DDX10: variants seen among roughly 807,000 people sequenced by gnomAD.
The protein encoded by DDX10 is DEAD-box helicase 10, also known as probable ATP-dependent RNA helicase DDX10.
A neutral mutation model predicts 104.3 loss-of-function variants in DDX10; 74 were observed. The observed-to-expected ratio is 0.71, with a 90% CI of 0.59 to 0.86. DDX10 has a LOEUF of 0.86. DDX10 is among the 40% of genes least tolerant of loss of function. DDX10 has a pLI of 0.00. For synonymous variants in DDX10, 351 were observed against 353.4 expected, an observed-to-expected ratio of 0.99 and a Z score of 0.08; for missense variants, 952 against 1,040.0, an observed-to-expected ratio of 0.92 and a Z score of 1.16.
intron 16 of DDX10, among the ~76,000 whole-genome samples, chr11:108,912,223 C>G (rs1224679543): frequency 6.6e-6 from 1 of 152,102 alleles, no homozygotes; most frequent in Non-Finnish European, 1.5e-5. Flanking sequence ...AGCTAGTTCT[C>G]TAGTTCTTCT....
intron 16 of DDX10, among the ~76,000 whole-genome samples, chr11:108,908,608 G>T (rs575502406): frequency 6.6e-6 from 1 of 152,304 alleles, no homozygotes; most frequent in South Asian, 2.1e-4. Flanking sequence ...ATCACTGACA[G>T]CCTAGCATGA....
At chr11:108,788,431 C>T (rs534675586) in intron 13 of DDX10, among the ~76,000 whole-genome samples, 20 of 151,980 alleles carry the variant, frequency 1.3e-4, no homozygotes, top group Admixed American at 2.6e-4. Flanking sequence ...GATGTGATCT[C>T]GGCTCATTGC....
At chr11:108,688,803 T>C in intron 6 of DDX10, 133 bp from the exon 7 acceptor site, 1 of 864,648 alleles carries the variant, frequency 1.2e-6, no homozygotes, top group Non-Finnish European at 1.7e-6. Flanking sequence ...AGAAAAATTC[T>C]TTTTTTGGTG....
intron 13 of DDX10, among the ~76,000 whole-genome samples, chr11:108,811,900 G>GA (rs1056039176): frequency 4.7e-4 from 67 of 141,764 alleles, no homozygotes; most frequent in African/African-American, 1.5e-3. Context: ...TATGGGGGGG[G>GA]GAAGAGAGCT....
chr11:108,859,643 A>G (rs1187496981), intron 16 of DDX10, among the ~76,000 whole-genome samples: 2 of 152,204 alleles, frequency 1.3e-5, no homozygotes, highest in Non-Finnish European at 2.9e-5. Flanking sequence ...GTGAAGTTAG[A>G]GATAATTTGA....
chr11:108,691,660 C>T (rs1265919591), intron 7 of DDX10, among the ~76,000 whole-genome samples: 1 of 152,078 alleles, frequency 6.6e-6, no homozygotes, highest in Non-Finnish European at 1.5e-5. Context: ...ACTTAAGATG[C>T]AATTCTGTGA....
At chr11:108,757,678 T>C (rs1249442778) in intron 13 of DDX10, among the ~76,000 whole-genome samples, 2 of 152,100 alleles carry the variant, frequency 1.3e-5, no homozygotes, top group Non-Finnish European at 2.9e-5. Context: ...CACTTGTTGG[T>C]TGTCCTCTTG....
intron 13 of DDX10, among the ~76,000 whole-genome samples, chr11:108,818,466 C>T (rs1471424481): frequency 2.0e-5 from 3 of 152,152 alleles, no homozygotes; most frequent in African/African-American, 4.8e-5. Context: ...AGTTTCATAA[C>T]ATAACTCCAG....
chr11:108,854,485 C>A (rs1436439860), intron 16 of DDX10, among the ~76,000 whole-genome samples: 1 of 152,086 alleles, frequency 6.6e-6, no homozygotes, highest in African/African-American at 2.4e-5. Context: ...GTAGAGCTTC[C>A]CTTTGATCCC....
At chr11:108,720,899 T>TC (rs1311905531) in intron 12 of DDX10, among the ~76,000 whole-genome samples, 2 of 149,612 alleles carry the variant, frequency 1.3e-5, no homozygotes, top group Non-Finnish European at 2.9e-5. Flanking sequence ...GGCCGGGTTT[T>TC]TTTTTTTTTT....
chr11:108,750,926 C>CTTTTTTTTTTTTT lies in DDX10; in HGVS notation c.1965+27490_1965+27502dup, dbSNP rs10582729. On this transcript the variant is annotated intron_variant, in intron 13 of 17. Transcript: ENST00000322536. ...ACATGTGCATCACCACACCTGGTTACTTTTTTTTTTTTTTTTTTTTTTTTT... is the reference window on the plus strand; with the variant it reads ...ACATGTGCATCACCACACCTGGTTACTTTTTTTTTTTTTTTTTTTTTTTTTTTTTTTTTTTTTT... Among the ~76,000 whole-genome samples, 2 of 24,250 alleles carry CTTTTTTTTTTTTT rather than the reference C, an allele frequency of 8.2e-5. 1 individual carries two copies. Among genetic ancestry groups the CTTTTTTTTTTTTT allele is most frequent in the African/African-American group, 1.9e-4 (2 of 10,560 alleles). The allele number at this position is 24,250 out of a possible 152,430, so 15.9% of individuals were successfully genotyped here.
chr11:108,848,621 A>G (rs1334324457), intron 15 of DDX10, among the ~76,000 whole-genome samples: 2 of 152,122 alleles, frequency 1.3e-5, no homozygotes, highest in Non-Finnish European at 2.9e-5. Context: ...TATAACATCT[A>G]GTGACATTTA....
chr11:108,830,777 T>G (rs1255376307), intron 13 of DDX10, among the ~76,000 whole-genome samples: 1 of 152,224 alleles, frequency 6.6e-6, no homozygotes, highest in Non-Finnish European at 1.5e-5. Context: ...ATGGATTTTG[T>G]CAAATGCTTT....
chr11:108,895,324 A>T (rs1287565821), intron 16 of DDX10, among the ~76,000 whole-genome samples: 1 of 150,946 alleles, frequency 6.6e-6, no homozygotes, highest in African/African-American at 2.4e-5. Flanking sequence ...CCCTTGTGTT[A>T]TATCCAAGTC....
chr11:108,713,070 G>T (rs573712882), intron 10 of DDX10, among the ~76,000 whole-genome samples: 1 of 151,934 alleles, frequency 6.6e-6, no homozygotes, highest in Non-Finnish European at 1.5e-5. Flanking sequence ...GGTGCCCCCC[G>T]TCCACTTCTT....
intron 16 of DDX10, among the ~76,000 whole-genome samples, chr11:108,861,945 T>C (rs936956622): frequency 1.3e-5 from 2 of 152,120 alleles, no homozygotes; most frequent in East Asian, 1.9e-4. Flanking sequence ...GAGAATTGCT[T>C]GAACTCGGGA....
At chr11:108,684,176 C>CTTTTTTTTTTTTTTTTATTTTTTTT (rs55949043) in intron 6 of DDX10, among the ~76,000 whole-genome samples, 3 of 26,672 alleles carry the variant, frequency 1.1e-4, no homozygotes, top group Admixed American at 6.9e-4. Flanking sequence ...TATAGATTTT[C>CTTTTTTTTTTTTTTTTATTTTTTTT]TTTTTTTTTT....
chr11:108,746,331 T>A (rs1404076253), intron 13 of DDX10, among the ~76,000 whole-genome samples: 1 of 152,082 alleles, frequency 6.6e-6, no homozygotes, highest in Non-Finnish European at 1.5e-5. Context: ...TTTCACTTAG[T>A]ATGTTTTTTT....
chr11:108,750,991 A>G (rs1030061715), intron 13 of DDX10, among the ~76,000 whole-genome samples: 1 of 114,554 alleles, frequency 8.7e-6, no homozygotes, highest in Non-Finnish European at 1.6e-5. Flanking sequence ...TATGTTGCCC[A>G]TGCTAGTCTC....
Sources: gnomAD v4.1 joint callset for allele counts (sites outside exome capture counted in the v4.1 genomes callset) on GRCh38, gnomAD v4.1.1 for gene constraint, MANE v1.5 for transcripts, NCBI Gene and HGNC (gene_info 2026-07-23, HGNC 2026-07-21) for gene names.